Variants in HRH2 observed in about 807,000 individuals in gnomAD.
HRH2 encodes the protein histamine receptor H2.
A neutral mutation model predicts 20.1 loss-of-function variants in HRH2; 4 were observed. The ratio of observed to expected loss-of-function variants is 0.20; its 90% confidence interval spans 0.10 to 0.45. The LOEUF is 0.45. HRH2 is among the 20% of genes least tolerant of loss of function. HRH2 has a pLI of 0.99. For synonymous variants in HRH2, 197 were observed against 200.7 expected (o/e 0.98, Z 0.16); for missense variants, 250 against 461.6 (o/e 0.54, Z 4.20).
At chr5:175,666,440 T>C (rs575353817) in intron 1 of HRH2, among the ~76,000 whole-genome samples, 15 of 152,056 alleles carry the variant, frequency 9.9e-5, no homozygotes, top group South Asian at 8.3e-4. Flanking sequence ...CCTTTTTTGG[T>C]TTTTGAGATA....
In HRH2 at chr5:175,683,606, C is replaced by T. The variant is rs778386458; in HGVS notation, c.373C>T (p.Arg125Trp). Reference sequence around the variant, plus strand: ...GTACTGCGCTGTCATGGACCCACTGCGGTACCCTGTGCTGGTCACCCCAGT... The same window carrying T: ...GTACTGCGCTGTCATGGACCCACTGTGGTACCCTGTGCTGGTCACCCCAGT... ...DRYCAVMDPL[R>W]YPVLVTPVRV... The change falls in exon 2 of 3, where the codon CGG becomes TGG. Residue 125 changes from arginine to tryptophan, a missense_variant. Arg to Trp is a moderately radical substitution (Grantham distance 101). Coordinates refer to ENST00000636584, the MANE Select transcript of HRH2 (RefSeq NM_001367711.1). 4 of 1,614,224 alleles carry T rather than the reference C, an allele frequency of 2.5e-6. No individual in the cohort carries two copies. Among genetic ancestry groups the T allele is most frequent in the East Asian group, 2.2e-5 (1 of 44,882 alleles).
intron 2 of HRH2, among the ~76,000 whole-genome samples, chr5:175,690,127 G>A (rs762373000): frequency 9.2e-5 from 14 of 152,138 alleles, no homozygotes; most frequent in African/African-American, 2.7e-4. Flanking sequence ...TGGTTTCAGC[G>A]TTCCTGCCCG....
At chr5:175,697,462 CAAAAA>C (rs60466733) in intron 2 of HRH2, among the ~76,000 whole-genome samples, 3 of 82,572 alleles carry the variant, frequency 3.6e-5, no homozygotes, top group Non-Finnish European at 5.6e-5. Flanking sequence ...GACTCCGTCT[CAAAAA>C]AAAAAAAAAA....
At chr5:175,694,159 C>T (rs1199868101) in intron 2 of HRH2, among the ~76,000 whole-genome samples, 4 of 152,150 alleles carry the variant, frequency 2.6e-5, no homozygotes, top group African/African-American at 9.7e-5. Flanking sequence ...CCTGGCTGTG[C>T]CCAGGTGTAA....
In HRH2 at chr5:175,686,502, GTGAGATAGAGCATC is replaced by G. The variant is rs559071385; in HGVS notation, c.1076+2195_1076+2208del. Among the ~76,000 whole-genome samples, 9 of 152,360 alleles carry G rather than the reference GTGAGATAGAGCATC, an allele frequency of 5.9e-5. No individual in the cohort carries two copies. The highest frequency in any genetic ancestry group is 2.2e-4 in the African/African-American group (9 of 41,586). ...CTGCACCAAGTGCTAAGGGCACAAAGTGAGATAGAGCATCTTCCACCCTGTGCCACCCTCGGCCA... is the reference window on the plus strand; with the variant it reads ...CTGCACCAAGTGCTAAGGGCACAAAGTTCCACCCTGTGCCACCCTCGGCCA... On this transcript the variant is annotated intron_variant, in intron 2 of 2. Transcript: ENST00000636584. The surrounding 1 kb of genome is among the most constrained non-coding windows in gnomAD (Gnocchi z 4.7).
At position 175,709,647 on chromosome 5, in the gene HRH2, G is replaced by A. The variant is rs1757037826; in HGVS notation, c.*1676G>A. On this transcript the variant is annotated 3_prime_UTR_variant, in exon 3 of 3. Transcript: ENST00000636584. ...CTCCGTTTGCCTCAGTCCTCATGGA[G>A]CCCTGGCTCCACTGTCTGCTGGCTT... 1 of 152,656 alleles carries A rather than the reference G, an allele frequency of 6.6e-6. No individual in the cohort carries two copies. Among genetic ancestry groups the A allele is most frequent in the Non-Finnish European group, 1.5e-5 (1 of 68,418 alleles). 9.5% of individuals were successfully genotyped at this position (152,656 alleles called of 1,614,324 possible). A position where few individuals can be genotyped will look rare whatever the true frequency, so the allele number is the denominator to read the frequency against.
chr5:175,696,453 C>G (rs561871802), intron 2 of HRH2, among the ~76,000 whole-genome samples: 2 of 151,900 alleles, frequency 1.3e-5, no homozygotes, highest in Non-Finnish European at 2.9e-5. Flanking sequence ...CACTGTGAGT[C>G]CCGGGCAAGT....
intron 2 of HRH2, among the ~76,000 whole-genome samples, chr5:175,698,882 T>G (rs565265204): frequency 6.6e-6 from 1 of 152,356 alleles, no homozygotes; most frequent in Admixed American, 6.5e-5. Context: ...TGCAAAGCCC[T>G]TGCTGGGAGT....
At chr5:175,661,893 G>C (rs902384443) in intron 1 of HRH2, among the ~76,000 whole-genome samples, 4 of 152,222 alleles carry the variant, frequency 2.6e-5, no homozygotes, top group African/African-American at 9.6e-5. Flanking sequence ...GTGATGGCAG[G>C]CGCCTGTAGT....
chr5:175,680,470 G>C (rs907782849), intron 1 of HRH2, among the ~76,000 whole-genome samples: 11 of 152,148 alleles, frequency 7.2e-5, no homozygotes, highest in African/African-American at 2.7e-4. Context: ...TCTGATTTTT[G>C]GCCCTTTCTG....
At chr5:175,685,008 T>C (rs992412232) in intron 2 of HRH2, among the ~76,000 whole-genome samples, 10 of 152,010 alleles carry the variant, frequency 6.6e-5, no homozygotes, top group Non-Finnish European at 1.3e-4. Flanking sequence ...AGGATGAGAC[T>C]GTAGACGAGG....
intron 2 of HRH2, among the ~76,000 whole-genome samples, chr5:175,706,441 T>C (rs370941101): frequency 1.3e-5 from 2 of 152,288 alleles, no homozygotes; most frequent in South Asian, 2.1e-4. Context: ...AATAGCATTA[T>C]TTTTAGGGAT....
At chr5:175,678,658 C>T (rs750953671) in intron 1 of HRH2, among the ~76,000 whole-genome samples, 3 of 152,250 alleles carry the variant, frequency 2.0e-5, no homozygotes, top group Non-Finnish European at 4.4e-5. Flanking sequence ...GAAGGGGCGT[C>T]GGGCACAGCG....
intron 2 of HRH2, among the ~76,000 whole-genome samples, chr5:175,702,902 T>C (rs1756835638): frequency 6.6e-6 from 1 of 152,070 alleles, no homozygotes; most frequent in African/African-American, 2.4e-5. Context: ...ATGATCACCA[T>C]ATTTTGATAA....
intron 1 of HRH2, among the ~76,000 whole-genome samples, chr5:175,679,457 G>C (rs1054966836): frequency 1.3e-5 from 2 of 152,200 alleles, no homozygotes; most frequent in Admixed American, 1.3e-4. Flanking sequence ...GAGCTCTCTA[G>C]GTAAGGAAAG....
At chr5:175,703,930 G>T (rs1464572227) in intron 2 of HRH2, 1 of 152,102 alleles carries the variant, frequency 6.6e-6, no homozygotes, top group African/African-American at 2.4e-5. Context: ...CACTAAAACT[G>T]GAGCCATACA....
At chr5:175,665,814 C>T (rs536586405) in intron 1 of HRH2, among the ~76,000 whole-genome samples, 3 of 152,038 alleles carry the variant, frequency 2.0e-5, no homozygotes, top group African/African-American at 4.8e-5. Flanking sequence ...TCCTGGAAAC[C>T]GACCTGGCTC....
At chr5:175,698,542 G>A (rs888356404) in intron 2 of HRH2, among the ~76,000 whole-genome samples, 4 of 152,158 alleles carry the variant, frequency 2.6e-5, no homozygotes, top group African/African-American at 4.8e-5. Flanking sequence ...CCCAGAACAC[G>A]AGCACTTAGT....
intron 1 of HRH2, among the ~76,000 whole-genome samples, chr5:175,682,016 G>A (rs1049959004): frequency 6.6e-6 from 1 of 152,228 alleles, no homozygotes; most frequent in Non-Finnish European, 1.5e-5. Context: ...TCAAAAAAAG[G>A]AGATTTTTAT....
Sources: allele counts gnomAD v4.1 joint callset (sites outside exome capture counted in the v4.1 genomes callset), GRCh38; gene constraint gnomAD v4.1.1; non-coding constraint Gnocchi (gnomAD v3.1); transcripts MANE v1.5; gene names NCBI Gene and HGNC (gene_info 2026-07-23, HGNC 2026-07-21).